MAPK8IP1: variants seen among roughly 807,000 people sequenced by gnomAD.
The protein encoded by MAPK8IP1 is mitogen-activated protein kinase 8 interacting protein 1.
A neutral mutation model predicts 72.6 loss-of-function variants in MAPK8IP1; 17 were observed. The ratio of observed to expected loss-of-function variants is 0.23; its 90% CI spans 0.16 to 0.35. The LOEUF (loss-of-function observed/expected upper bound fraction) is 0.35. Among genes scored for constraint, MAPK8IP1 ranks in the 10% least tolerant of loss-of-function variants. MAPK8IP1 has a pLI of 1.00. For missense variants in MAPK8IP1, 789 were observed against 1,009.7 expected, an observed-to-expected ratio of 0.78 and a Z score of 2.96; for synonymous variants, 401 against 443.4, an observed-to-expected ratio of 0.90 and a Z score of 1.20.
intron 1 of MAPK8IP1, among the ~76,000 whole-genome samples, chr11:45,897,654 C>T (rs1448258475): frequency 1.3e-5 from 2 of 152,226 alleles, no homozygotes; most frequent in Non-Finnish European, 2.9e-5. Context: ...CTGCTGCCGG[C>T]GCCTCGGGTC....
In MAPK8IP1 at chr11:45,890,476, G is replaced by A. The variant is rs967775466; in HGVS notation, c.101+4555G>A. On this transcript the variant is annotated intron_variant, in intron 1 of 11. Transcript: ENST00000241014. ...CATTCAGAGCCATCCTGGGGCTCAC[G>A]CACCCATGGGCCATGGGTTAGACAA... 7.2e-5 allele frequency among the ~76,000 whole-genome samples: 11 copies of A among 152,320 alleles called. No homozygotes were observed. In the South Asian group the frequency reaches 1.2e-3, roughly 17 times the overall value.
chr11:45,903,131 A>G lies in MAPK8IP1; in HGVS notation c.1364A>G (p.His455Arg). 1 of 1,607,180 alleles carries G rather than the reference A, an allele frequency of 6.2e-7. No individual in the cohort carries two copies. The highest frequency in any genetic ancestry group is 8.5e-7 in the Non-Finnish European group (1 of 1,176,898). The change falls in exon 5 of 12, where the codon CAT becomes CGT. Residue 455 changes from histidine (H) to arginine (R), a missense_variant. By Grantham distance (29) the His-to-Arg change is conservative. Transcript: ENST00000241014. This position sits in a 1 kb window ranked among gnomAD's most constrained non-coding sequence, Gnocchi z 6.4. ...EDSTPDEPDV[H>R]FSKKFLNVFM... ...TCCACGCCTGATGAACCCGACGTCCATTTCTCCAAGAAATTCCTGAACGTC... is the reference window on the plus strand; with the variant it reads ...TCCACGCCTGATGAACCCGACGTCCGTTTCTCCAAGAAATTCCTGAACGTC...
Position 45,904,487 on chromosome 11 carries a change from T to G in MAPK8IP1, c.1699T>G (p.Phe567Val). ...CAAAAACAGTGACTGGGTGGACCAG[T>G]TCCGGGTGAAGTTCCTGGGCTCAGT... ...LAKNSDWVDQ[F>V]RVKFLGSVQV... Residue 567 changes from phenylalanine (F) to valine (V), a missense_variant, in exon 8 of 12, where the codon TTC (phenylalanine) becomes GTC (valine). Phe to Val is a conservative substitution (Grantham distance 50). This residue lies in a region of MAPK8IP1 where 188 missense variants were observed against 293.3 expected (regional missense o/e 0.64). Coordinates refer to ENST00000241014, the MANE Select transcript of MAPK8IP1 (RefSeq NM_005456.4). This position sits in a 1 kb window ranked among gnomAD's most constrained non-coding sequence, Gnocchi z 6.4. 1 of 1,614,158 alleles carries G rather than the reference T, an allele frequency of 6.2e-7. No homozygotes were observed. The highest frequency in any genetic ancestry group is 8.5e-7 in the Non-Finnish European group (1 of 1,180,028).
chr11:45,896,560 AC>A lies in MAPK8IP1; in HGVS notation c.102-1523del. On this transcript the variant is annotated intron_variant, in intron 1 of 11. Transcript: ENST00000241014. The stretch of plus-strand genomic sequence containing the variant: ...GGAGCCAGTGGCATTGATTGCAGTA[AC>A]CTGATCCCGTGAGGGAGGCGGCCAC... The A allele has an allele frequency of 2.4e-6, 3 of 1,229,898 alleles. No homozygotes were observed. In the African/African-American group the frequency reaches 4.5e-5, roughly 19 times the overall value. 76.2% of individuals were successfully genotyped at this position (1,229,898 alleles called of 1,614,324 possible). A position where few individuals can be genotyped will look rare whatever the true frequency, so the allele number is the denominator to read the frequency against.
rs2086672404 is a variant in MAPK8IP1, at chr11:45,903,282, G to A, written c.1418-83G>A. On this transcript the variant is annotated intron_variant, in intron 5 of 11. Coordinates refer to ENST00000241014, the MANE Select transcript of MAPK8IP1 (RefSeq NM_005456.4). The surrounding 1 kb of genome is among the most constrained non-coding windows in gnomAD (Gnocchi z 6.4). ...GGGAGGCGACCCCAGGCCCCATCTG[G>A]TTAGGACTGAGGCTTCTACCTGCCC... 6 of 1,585,846 alleles carry A rather than the reference G, an allele frequency of 3.8e-6. No homozygotes were observed. In the Admixed American group the frequency reaches 1.0e-4, roughly 27 times the overall value.
At chr11:45,901,476 C>T (rs1035685476) in intron 3 of MAPK8IP1, among the ~76,000 whole-genome samples, 2 of 152,100 alleles carry the variant, frequency 1.3e-5, no homozygotes, top group African/African-American at 4.8e-5. Flanking sequence ...TAGGGAGACC[C>T]TTCCTTGTGC....
rs1037157458 is a variant in MAPK8IP1 at position 45,903,255 on chromosome 11, C to G, written c.1417+71C>G. 11 of 1,582,460 alleles carry G rather than the reference C, an allele frequency of 7.0e-6. No homozygotes were observed. The African/African-American group carries it at 1.5e-4, about 21-fold the overall frequency. ...GGGCAGAGCCAAAATGCGAAGTGTT[C>G]TGGGAGGCGACCCCAGGCCCCATCT... is the stretch of plus-strand genomic sequence containing the variant. On this transcript the variant is annotated intron_variant, in intron 5 of 11. Coordinates refer to ENST00000241014, the MANE Select transcript of MAPK8IP1 (RefSeq NM_005456.4). The surrounding 1 kb of genome is among the most constrained non-coding windows in gnomAD (Gnocchi z 6.4).
At position 45,903,648 on chromosome 11, in the gene MAPK8IP1, C is replaced by T. The variant is rs189771697; in HGVS notation, c.1493+208C>T. ...TACAGTGAGGGATCCCAGAACTGTG[C>T]ACCTAGTCTGGCCAGGGGCAGGGCA... On this transcript the variant is annotated intron_variant, in intron 6 of 11. Coordinates refer to ENST00000241014, the MANE Select transcript of MAPK8IP1 (RefSeq NM_005456.4). The surrounding 1 kb of genome is among the most constrained non-coding windows in gnomAD (Gnocchi z 6.4). Among the ~76,000 whole-genome samples, 1 of 152,284 alleles carries T rather than the reference C, an allele frequency of 6.6e-6. No homozygotes were observed. The highest frequency in any genetic ancestry group is 1.5e-5 in the Non-Finnish European group (1 of 68,020).
chr11:45,889,212 A>C (rs1377661970), intron 1 of MAPK8IP1, among the ~76,000 whole-genome samples: 1 of 152,246 alleles, frequency 6.6e-6, no homozygotes, highest in Non-Finnish European at 1.5e-5. Flanking sequence ...TAATTTAAAT[A>C]ATTGTGTGCA....
At chr11:45,888,317 C>T (rs771339924) in intron 1 of MAPK8IP1, among the ~76,000 whole-genome samples, 3 of 152,232 alleles carry the variant, frequency 2.0e-5, no homozygotes, top group Non-Finnish European at 4.4e-5. Context: ...GCACTCAGTT[C>T]GCCCAGGCAC....
At chr11:45,894,137 C>T (rs559765984) in intron 1 of MAPK8IP1, among the ~76,000 whole-genome samples, 1 of 152,152 alleles carries the variant, frequency 6.6e-6, no homozygotes, top group Non-Finnish European at 1.5e-5. Context: ...GCATAAGGCA[C>T]CTTTATGTCT....
chr11:45,901,903 G>A, intron 3 of MAPK8IP1, 77 bp from the exon 4 acceptor site: 2 of 1,102,744 alleles, frequency 1.8e-6, no homozygotes, highest in East Asian at 2.3e-5. Context: ...GATGGCCTGA[G>A]GGGGCAGGGC....
At chr11:45,898,548 C>A (rs2086624969) in intron 2 of MAPK8IP1, among the ~76,000 whole-genome samples, 1 of 152,114 alleles carries the variant, frequency 6.6e-6, no homozygotes, top group South Asian at 2.1e-4. Flanking sequence ...GCAGCCCTGG[C>A]AGAGGGCCTG....
At chr11:45,901,916 G>C in intron 3 of MAPK8IP1, 64 bp from the exon 4 acceptor site, 1 of 1,290,936 alleles carries the variant, frequency 7.7e-7, no homozygotes, top group South Asian at 1.2e-5. Context: ...GGCAGGGCCG[G>C]GGCCTCCCTG....
Position 45,885,840 on chromosome 11 carries a change from G to A in MAPK8IP1, c.20G>A (p.Gly7Asp), listed in dbSNP as rs1201937477. The A allele has an allele frequency of 2.1e-6, 3 of 1,439,680 alleles. No individual in the cohort carries two copies. Among genetic ancestry groups the A allele is most frequent in the Non-Finnish European group, 2.7e-6 (3 of 1,094,586 alleles). The allele number at this position is 1,439,680 out of a possible 1,614,324, so 89.2% of individuals were successfully genotyped here. ...CCGAGAATGGCGGAGCGAGAAAGCG[G>A]CGGCCTGGGAGGGGGGGCCGCGTCC... MAERESGGLGGGAASPP... is the reference protein window; with the variant it reads MAERESDGLGGGAASPP... The change falls in exon 1 of 12, where the codon GGC (glycine) becomes GAC (aspartate). Residue 7 changes from glycine to aspartate, a missense_variant. Physicochemically the swap from Gly to Asp is moderately conservative, Grantham distance 94. Transcript: ENST00000241014.
In MAPK8IP1 at chr11:45,905,395, G is replaced by C. The variant is rs1228587470; in HGVS notation, c.2063+146G>C. 4.6e-6 allele frequency: 4 copies of C among 860,934 alleles called. No individual in the cohort carries two copies. The East Asian group carries it at 1.1e-4, about 23-fold the overall frequency. The allele number at this position is 860,934 out of a possible 1,614,324, so 53.3% of individuals were successfully genotyped here. A position where few individuals can be genotyped will look rare whatever the true frequency, so the allele number is the denominator to read the frequency against. The stretch of plus-strand genomic sequence containing the variant: ...TCCGGACCCCAGTGCGGGTGGCCTG[G>C]AGGGAGGGTGGCGCGGCAGGGTGAG... On this transcript the variant is annotated intron_variant, in intron 11 of 11. Transcript: ENST00000241014.
chr11:45,886,095 C>T (rs1190643056), intron 1 of MAPK8IP1, among the ~76,000 whole-genome samples, 174 bp downstream of exon 1: 1 of 152,200 alleles, frequency 6.6e-6, no homozygotes, highest in Non-Finnish European at 1.5e-5. Flanking sequence ...AGCCTCAAGT[C>T]CGGACTGGTA....
chr11:45,905,653 G>A lies in MAPK8IP1; in HGVS notation c.2068G>A (p.Ala690Thr), dbSNP rs2086702352. 2 of 1,613,796 alleles carry A rather than the reference G, an allele frequency of 1.2e-6. No homozygotes were observed. The highest frequency in any genetic ancestry group is 1.7e-6 in the Non-Finnish European group (2 of 1,179,752). ...TGTGTGTCCCCTGGCTTCTAGGAGA[G>A]CATTCCAGCAGTTCTACAAGCAGTT... ...TKALAESVGR[A>T]FQQFYKQFVE... The change falls in exon 12 of 12, where the codon GCA becomes ACA. Residue 690 changes from alanine to threonine, a missense_variant. Transcript: ENST00000241014.
intron 3 of MAPK8IP1, among the ~76,000 whole-genome samples, chr11:45,901,561 C>T (rs1232262081): frequency 1.3e-5 from 2 of 152,170 alleles, no homozygotes; most frequent in Non-Finnish European, 2.9e-5. Context: ...AGAGAGTCAC[C>T]TGTCTCTGAC....
Sources: allele counts gnomAD v4.1 joint callset (sites outside exome capture counted in the v4.1 genomes callset), GRCh38; gene constraint gnomAD v4.1.1; regional missense constraint gnomAD v4.1.1; non-coding constraint Gnocchi (gnomAD v3.1); transcripts MANE v1.5; gene names NCBI Gene and HGNC (gene_info 2026-07-23, HGNC 2026-07-21).